The following CCDC15 variants were observed in gnomAD, a reference collection of about 807,000 sequenced individuals.
The protein encoded by CCDC15 is coiled-coil domain containing 15.
A neutral mutation model predicts 114.5 loss-of-function variants in CCDC15; 105 were observed. The observed-to-expected ratio is 0.92, with a 90% CI of 0.78 to 1.08. The LOEUF (loss-of-function observed/expected upper bound fraction) is 1.08, where lower values mean the gene tolerates loss of function less well. CCDC15 is among the 50% of genes least tolerant of loss of function. The pLI, the probability that CCDC15 is intolerant of heterozygous loss-of-function variation, is 0.00. For synonymous variants in CCDC15, 334 were observed against 377.8 expected, an observed-to-expected ratio of 0.88 and a Z score of 1.34; for missense variants, 1,105 against 1,093.6, an observed-to-expected ratio of 1.01 and a Z score of -0.15.
At chr11:124,965,515 A>C (rs1256931662) in intron 4 of CCDC15, among the ~76,000 whole-genome samples, 1 of 151,850 alleles carries the variant, frequency 6.6e-6, no homozygotes, top group African/African-American at 2.4e-5. Flanking sequence ...TATTGTGTCT[A>C]TTTGATTCTT....
At chr11:125,024,959 A>AT (rs59444369) in intron 13 of CCDC15, among the ~76,000 whole-genome samples, 23,840 of 141,794 alleles carry the variant, frequency 0.17, 2,295 homozygotes, top group African/African-American at 0.25. Context: ...TTTCTTGAGA[A>AT]TTTTTTTTAT....
At chr11:124,968,764 G>A (rs1368062776) in intron 4 of CCDC15, among the ~76,000 whole-genome samples, 1 of 152,156 alleles carries the variant, frequency 6.6e-6, no homozygotes, top group Non-Finnish European at 1.5e-5. Context: ...GCAGACCGGA[G>A]CTGTTCCTAT....
intron 13 of CCDC15, among the ~76,000 whole-genome samples, chr11:125,020,474 T>G (rs1311611397): frequency 6.6e-6 from 1 of 151,986 alleles, no homozygotes; most frequent in African/African-American, 2.4e-5. Context: ...TTCCCTGTGA[T>G]GTCACCTTAT....
At chr11:124,977,325 A>T (rs1485986963) in intron 5 of CCDC15, among the ~76,000 whole-genome samples, 153 bp from the exon 6 acceptor site, 8 of 152,164 alleles carry the variant, frequency 5.3e-5, no homozygotes, top group Non-Finnish European at 1.0e-4. Context: ...GTTTGTACAT[A>T]TGAAGTAGAA....
intron 4 of CCDC15, among the ~76,000 whole-genome samples, chr11:124,972,987 T>A (rs1947910114): frequency 6.6e-6 from 1 of 152,188 alleles, no homozygotes; most frequent in South Asian, 2.1e-4. Flanking sequence ...AAAGTAATAT[T>A]TACAGGTTCT....
In CCDC15 at chr11:125,003,930, G is replaced by A; in HGVS notation, c.2278G>A (p.Asp760Asn). ...EFQAPLAFQS[D>N]VDKEEDKKER... is the part of the protein sequence containing the mutation. Reference sequence around the variant, plus strand: ...CCAAGCTCCACTGGCATTTCAGTCTGACGTGGATAAAGAAGAAGATAAGAA... The same window carrying A: ...CCAAGCTCCACTGGCATTTCAGTCTAACGTGGATAAAGAAGAAGATAAGAA... The change falls in exon 12 of 16, where the codon GAC becomes AAC. Residue 760 changes from aspartate to asparagine, a missense_variant. Asp to Asn is a conservative substitution (Grantham distance 23). Transcript: ENST00000344762. 6.4e-7 allele frequency: 1 copy of A among 1,555,122 alleles called. No homozygotes were observed. Among genetic ancestry groups the A allele is most frequent in the East Asian group, 2.4e-5 (1 of 41,782 alleles).
At chr11:124,977,350 C>A in intron 5 of CCDC15, 128 bp from the exon 6 acceptor site, 1 of 739,776 alleles carries the variant, frequency 1.4e-6, no homozygotes, top group Non-Finnish European at 2.0e-6. Flanking sequence ...TGTTTTTTCC[C>A]TTTACTGTGT....
chr11:125,015,758 T>C (rs1948625155), intron 13 of CCDC15, among the ~76,000 whole-genome samples: 1 of 152,186 alleles, frequency 6.6e-6, no homozygotes, highest in Non-Finnish European at 1.5e-5. Context: ...ACCAGCCTGA[T>C]GGGGACATTA....
intron 13 of CCDC15, among the ~76,000 whole-genome samples, chr11:125,019,904 A>G (rs1948651129): frequency 6.7e-6 from 1 of 149,712 alleles, no homozygotes; most frequent in Non-Finnish European, 1.5e-5. Context: ...TTTGTTACAT[A>G]GGATACGTAA....
chr11:124,989,610 T>C (rs919911983), intron 8 of CCDC15, among the ~76,000 whole-genome samples: 2 of 152,230 alleles, frequency 1.3e-5, no homozygotes, highest in Non-Finnish European at 2.9e-5. Flanking sequence ...ACTGAAAATC[T>C]GTTGTCCAGT....
In CCDC15 at chr11:124,962,008, G is replaced by T. The variant is rs540350324; in HGVS notation, c.516+2005G>T. Among the ~76,000 whole-genome samples the T allele has an allele frequency of 1.7e-3, 252 of 152,146 alleles. 1 individual carries two copies. The Middle Eastern group carries it at 0.017, about 10-fold the overall frequency. ...TTATGAAAAACCTTAAATGTCACAA[G>T]ATTTTTTAAAGTTTTTATAATACCC... On this transcript the variant is annotated intron_variant, in intron 4 of 15. Coordinates refer to ENST00000344762, the MANE Select transcript of CCDC15 (RefSeq NM_025004.3).
At chr11:125,021,522 C>T (rs1381512275) in intron 13 of CCDC15, among the ~76,000 whole-genome samples, 5 of 151,598 alleles carry the variant, frequency 3.3e-5, no homozygotes, top group Admixed American at 6.6e-5. Context: ...CAGTATTGCA[C>T]CTAATAAAAA....
At chr11:125,015,753 C>G (rs756363987) in intron 13 of CCDC15, among the ~76,000 whole-genome samples, 20 of 152,112 alleles carry the variant, frequency 1.3e-4, no homozygotes, top group African/African-American at 4.8e-4. Flanking sequence ...TTAATACCAG[C>G]CTGATGGGGA....
chr11:124,966,912 G>A (rs1296789210), intron 4 of CCDC15, among the ~76,000 whole-genome samples: 2 of 152,260 alleles, frequency 1.3e-5, no homozygotes, highest in East Asian at 1.9e-4. Flanking sequence ...TAGTTTGGCT[G>A]GATATGAAAT....
intron 13 of CCDC15, among the ~76,000 whole-genome samples, chr11:125,028,157 C>T (rs1948717409): frequency 1.3e-5 from 2 of 152,220 alleles, no homozygotes. Context: ...GCTTTGGTAA[C>T]TATAGCTTTG....
chr11:124,955,041 C>T, intron 2 of CCDC15, 132 bp downstream of exon 2: 1 of 814,898 alleles, frequency 1.2e-6, no homozygotes, highest in Non-Finnish European at 1.9e-6. Context: ...AGTTTATGCT[C>T]TTGCATTAGG....
At position 124,960,008 on chromosome 11, in the gene CCDC15, G is replaced by A. The variant is rs929630865; in HGVS notation, c.516+5G>A. The A allele has an allele frequency of 1.9e-6, 3 of 1,540,430 alleles. No individual in the cohort carries two copies. Among genetic ancestry groups the A allele is most frequent in the Non-Finnish European group, 2.6e-6 (3 of 1,142,348 alleles). On this transcript the variant is annotated splice_donor_5th_base_variant and intron_variant, in intron 4 of 15. Coordinates refer to ENST00000344762, the MANE Select transcript of CCDC15 (RefSeq NM_025004.3). The stretch of plus-strand genomic sequence containing the variant: ...TTCCAACAACAAGCCCAGGCTGTAA[G>A]TACCTGTTCTTTTTATTTTATGTCT...
intron 13 of CCDC15, among the ~76,000 whole-genome samples, chr11:125,017,946 GTTA>G (rs1302473105): frequency 2.6e-5 from 4 of 152,002 alleles, no homozygotes; most frequent in Non-Finnish European, 4.4e-5. Context: ...TAAGCTAAGA[GTTA>G]TTATAAAAGA....
intron 4 of CCDC15, among the ~76,000 whole-genome samples, chr11:124,965,842 C>T (rs1947768199): frequency 6.6e-6 from 1 of 152,168 alleles, no homozygotes; most frequent in South Asian, 2.1e-4. Context: ...TATGTTGTGT[C>T]TCTGTTCTCA....
Sources: gnomAD v4.1 joint callset for allele counts (sites outside exome capture counted in the v4.1 genomes callset) on GRCh38, gnomAD v4.1.1 for gene constraint, MANE v1.5 for transcripts, NCBI Gene and HGNC (gene_info 2026-07-23, HGNC 2026-07-21) for gene names.